DOCK2: variants seen among roughly 807,000 people sequenced by gnomAD.
DOCK2 encodes the protein dedicator of cytokinesis 2.
In DOCK2, 87 loss-of-function variants were observed where a neutral mutation model predicts 248.9. That is an observed-to-expected ratio of 0.35 (90% CI 0.29 to 0.42). The LOEUF is 0.42. Among genes scored for constraint, DOCK2 ranks in the 10% least tolerant of loss-of-function variants. DOCK2 has a pLI of 1.00. For synonymous variants in DOCK2, 805 were observed against 821.6 expected (o/e 0.98, Z 0.35); for missense variants, 1,747 against 2,300.2 (o/e 0.76, Z 4.92).
intron 43 of DOCK2, 84 bp from the exon 44 acceptor site, chr5:170,057,496 T>G (rs766415893): frequency 7.7e-7 from 1 of 1,299,604 alleles, no homozygotes; most frequent in Non-Finnish European, 1.1e-6. Context: ...CCTGGCTGGG[T>G]TTCTGCCAAG....
chr5:169,835,711 C>T (rs1356233024), intron 26 of DOCK2, among the ~76,000 whole-genome samples: 2 of 151,958 alleles, frequency 1.3e-5, no homozygotes, highest in East Asian at 3.8e-4. Flanking sequence ...GTTCCTCTGG[C>T]AAGGGGATCA....
chr5:169,850,820 G>A (rs1047692722), intron 27 of DOCK2, among the ~76,000 whole-genome samples: 6 of 152,332 alleles, frequency 3.9e-5, no homozygotes, highest in East Asian at 1.9e-4. Flanking sequence ...TAGACTTCAC[G>A]GAACTGGAAC....
intron 20 of DOCK2, 67 bp from the exon 21 acceptor site, chr5:169,717,317 G>T: frequency 7.7e-7 from 1 of 1,297,276 alleles, no homozygotes; most frequent in Non-Finnish European, 1.1e-6. Flanking sequence ...GTTGAATTAT[G>T]CCAGGTAAAG....
At chr5:169,903,180 G>A (rs1774042067) in intron 27 of DOCK2, among the ~76,000 whole-genome samples, 1 of 151,924 alleles carries the variant, frequency 6.6e-6, no homozygotes, top group Non-Finnish European at 1.5e-5. Context: ...GGGAAGCTGA[G>A]GTGGGAGGAT....
At chr5:169,849,757 GTCCTTC>G (rs1231773729) in intron 27 of DOCK2, among the ~76,000 whole-genome samples, 4 of 152,220 alleles carry the variant, frequency 2.6e-5, no homozygotes, top group African/African-American at 7.2e-5. Context: ...GAGGCAAAGT[GTCCTTC>G]TCCTTCTCCT....
chr5:169,793,902 C>T (rs1189302665), intron 25 of DOCK2, among the ~76,000 whole-genome samples: 1 of 152,188 alleles, frequency 6.6e-6, no homozygotes, highest in Non-Finnish European at 1.5e-5. Context: ...CTGCCTTCTC[C>T]CCGTTCAGGT....
intron 15 of DOCK2, among the ~76,000 whole-genome samples, chr5:169,708,774 AG>A (rs1761422117): frequency 1.3e-5 from 2 of 152,186 alleles, no homozygotes; most frequent in Admixed American, 1.3e-4. Context: ...CTTGTAGGCC[AG>A]GCTGGTCTCA....
chr5:169,926,334 T>G (rs1775454844), intron 27 of DOCK2, among the ~76,000 whole-genome samples: 1 of 152,230 alleles, frequency 6.6e-6, no homozygotes. Context: ...CTGTTCTTAC[T>G]TTTGATGAAT....
chr5:169,650,030 C>T (rs1377528329), intron 1 of DOCK2, among the ~76,000 whole-genome samples: 1 of 152,178 alleles, frequency 6.6e-6, no homozygotes, highest in Non-Finnish European at 1.5e-5. Context: ...TCTCAAACTC[C>T]TGACCTCAAG....
chr5:169,832,207 G>A (rs1320125472), intron 26 of DOCK2, among the ~76,000 whole-genome samples: 1 of 152,204 alleles, frequency 6.6e-6, no homozygotes, highest in East Asian at 1.9e-4. Context: ...ATGCACAGTT[G>A]CTGGCATATA....
intron 27 of DOCK2, among the ~76,000 whole-genome samples, chr5:169,917,933 G>T (rs1191979122): frequency 6.6e-6 from 1 of 152,156 alleles, no homozygotes; most frequent in East Asian, 1.9e-4. Context: ...CAGGGCAGAG[G>T]GACTTACAAA....
At chr5:169,637,769 CTT>C (rs1561894923) in intron 1 of DOCK2, among the ~76,000 whole-genome samples, 2 of 152,206 alleles carry the variant, frequency 1.3e-5, no homozygotes, top group African/African-American at 4.8e-5. Flanking sequence ...ACCATGCATA[CTT>C]CCACCCCCTC....
rs1759019104 is a variant in DOCK2, at chr5:169,670,941, T to C, written c.225-137T>C. 2.0e-5 allele frequency: 13 copies of C among 664,208 alleles called. No homozygotes were observed. The South Asian group carries it at 2.3e-4, about 12-fold the overall frequency. 41.1% of individuals were successfully genotyped at this position (664,208 alleles called of 1,614,324 possible). A position where few individuals can be genotyped will look rare whatever the true frequency, so the allele number is the denominator to read the frequency against. The stretch of plus-strand genomic sequence containing the variant: ...CCTTGTATTTGCATAATGTAGTTGG[T>C]GTGGCTATTGGAGGTGTTTTAGTCT... On this transcript the variant is annotated intron_variant, in intron 4 of 51. Coordinates refer to ENST00000520908, the MANE Select transcript of DOCK2 (RefSeq NM_004946.3).
At chr5:169,773,809 C>A (rs918277095) in intron 25 of DOCK2, among the ~76,000 whole-genome samples, 1 of 152,102 alleles carries the variant, frequency 6.6e-6, no homozygotes, top group Non-Finnish European at 1.5e-5. Context: ...ATAATTGAAT[C>A]ATGGGGGCAG....
rs113925164 is a variant in DOCK2, at chr5:169,704,982, T to A, written c.1383+2555T>A. Among the ~76,000 whole-genome samples the A allele has an allele frequency of 9.9e-3, 1,511 of 152,092 alleles. 31 individuals are homozygous for A. The highest frequency in any genetic ancestry group is 0.034 in the African/African-American group (1,419 of 41,468). On this transcript the variant is annotated intron_variant, in intron 14 of 51. Coordinates refer to ENST00000520908, the MANE Select transcript of DOCK2 (RefSeq NM_004946.3). ...TTTGAGACCAGCCTGGCCAAGAAGG[T>A]GAAACCTTGTCTTTACTGAAAATAC...
intron 27 of DOCK2, among the ~76,000 whole-genome samples, chr5:169,842,883 G>A (rs1770072099): frequency 6.6e-6 from 1 of 152,122 alleles, no homozygotes; most frequent in African/African-American, 2.4e-5. Context: ...TTTGTTTGAT[G>A]GCTTTTGTGG....
chr5:169,719,746 T>C (rs1295929666), intron 22 of DOCK2, among the ~76,000 whole-genome samples: 2 of 152,234 alleles, frequency 1.3e-5, no homozygotes, highest in Admixed American at 1.3e-4. Context: ...TTCCTTGTTG[T>C]CCTAGCAAAA....
At chr5:170,050,184 T>A (rs1756866280) in intron 40 of DOCK2, 72 bp from the exon 41 acceptor site, 40 of 1,570,204 alleles carry the variant, frequency 2.5e-5, no homozygotes, top group Non-Finnish European at 3.5e-5. Context: ...TTTTACAAGC[T>A]CCCCAGCTTT....
chr5:169,920,853 A>G (rs33370), intron 27 of DOCK2, among the ~76,000 whole-genome samples: 62,139 of 152,018 alleles, frequency 0.41, 13,536 homozygotes, highest in African/African-American at 0.57. Context: ...CCTCCACCCT[A>G]GGACACCTGT....
Sources: gnomAD v4.1 joint callset for allele counts (sites outside exome capture counted in the v4.1 genomes callset) on GRCh38, gnomAD v4.1.1 for gene constraint, MANE v1.5 for transcripts, NCBI Gene and HGNC (gene_info 2026-07-23, HGNC 2026-07-21) for gene names.